Variants in CHST11 observed in about 807,000 individuals in gnomAD.
CHST11 encodes the protein C4S-1.
In CHST11, 9 loss-of-function variants were observed where a neutral mutation model predicts 30.4. The observed-to-expected ratio is 0.30, with a 90% CI of 0.18 to 0.52. The LOEUF (loss-of-function observed/expected upper bound fraction) is 0.52, where lower values mean the gene tolerates loss of function less well. CHST11 is among the 20% of genes least tolerant of loss of function. CHST11 has a pLI of 0.97. For missense variants in CHST11, 348 were observed against 460.6 expected (o/e 0.76, Z 2.24); for synonymous variants, 152 against 187.8 (o/e 0.81, Z 1.56).
intron 2 of CHST11, among the ~76,000 whole-genome samples, chr12:104,657,300 T>TA (rs1228646090): frequency 6.6e-5 from 10 of 152,274 alleles, no homozygotes; most frequent in African/African-American, 1.9e-4. Flanking sequence ...AATGACCACT[T>TA]ACGCACATTT....
At chr12:104,726,243 G>A (rs1286974930) in intron 2 of CHST11, among the ~76,000 whole-genome samples, 1 of 152,120 alleles carries the variant, frequency 6.6e-6, no homozygotes. Context: ...AAGTTCAATG[G>A]TAATTTTTGT....
intron 1 of CHST11, among the ~76,000 whole-genome samples, chr12:104,544,156 A>T (rs1010252443): frequency 5.0e-5 from 2 of 40,400 alleles, no homozygotes; most frequent in Non-Finnish European, 1.2e-4. Context: ...GAAAGAAAGA[A>T]AGAAAGAAAG....
intron 2 of CHST11, among the ~76,000 whole-genome samples, chr12:104,742,788 G>A (rs951544020): frequency 1.3e-5 from 2 of 152,190 alleles, no homozygotes; most frequent in African/African-American, 4.8e-5. Context: ...CCCCTCCAGC[G>A]TGATTTGATT....
intron 2 of CHST11, among the ~76,000 whole-genome samples, chr12:104,735,504 T>C (rs1410046707): frequency 1.3e-5 from 2 of 152,132 alleles, no homozygotes. Flanking sequence ...GATCCAAGCC[T>C]GGTGGTGGGG....
chr12:104,655,620 T>C (rs1011950980), intron 2 of CHST11, among the ~76,000 whole-genome samples: 4 of 152,200 alleles, frequency 2.6e-5, no homozygotes, highest in African/African-American at 4.8e-5. Flanking sequence ...CAGAAAGATA[T>C]ACCAGAGAGT....
At chr12:104,645,063 T>C (rs1023696177) in intron 2 of CHST11, among the ~76,000 whole-genome samples, 41 of 152,280 alleles carry the variant, frequency 2.7e-4, no homozygotes, top group Admixed American at 2.7e-3. Flanking sequence ...TTCTCCTGCC[T>C]CAGCCTCCCA....
chr12:104,549,397 TG>T (rs1281980449), intron 1 of CHST11, among the ~76,000 whole-genome samples: 2 of 152,302 alleles, frequency 1.3e-5, no homozygotes, highest in East Asian at 3.9e-4. Context: ...GGACCATTGT[TG>T]GGAGAAAGAG....
chr12:104,733,777 G>C (rs2040275400), intron 2 of CHST11, among the ~76,000 whole-genome samples: 1 of 152,232 alleles, frequency 6.6e-6, no homozygotes, highest in Non-Finnish European at 1.5e-5. Context: ...CAGGGAGATT[G>C]GTTGGCTGCA....
Position 104,757,129 on chromosome 12 carries a change from A to G in CHST11, c.385A>G (p.Thr129Ala). The G allele has an allele frequency of 6.2e-7, 1 of 1,614,116 alleles. No individual in the cohort carries two copies. Among genetic ancestry groups the G allele is most frequent in the Non-Finnish European group, 8.5e-7 (1 of 1,180,024 alleles). Residue 129 changes from threonine (T) to alanine (A), a missense_variant, in exon 3 of 3, where the codon ACC (threonine) becomes GCC (alanine). This residue lies in a region of CHST11 where 3 missense variants were observed against 17.6 expected (regional missense o/e 0.17). Coordinates refer to ENST00000303694, the MANE Select transcript of CHST11 (RefSeq NM_018413.6). This position sits in a 1 kb window ranked among gnomAD's most constrained non-coding sequence, Gnocchi z 6.5. ...CTGCTACGTGCCCAAGGTGGCCTGC[A>G]CCAACTGGAAGCGGCTCATGATGGT... ...IYCYVPKVACTNWKRLMMVLT... is the reference protein window; with the variant it reads ...IYCYVPKVACANWKRLMMVLT...
intron 1 of CHST11, among the ~76,000 whole-genome samples, chr12:104,519,720 A>G (rs537432257): frequency 1.3e-4 from 20 of 152,328 alleles, no homozygotes; most frequent in Non-Finnish European, 2.1e-4. Context: ...AGCATTTTGC[A>G]TGATAGCCTG....
At chr12:104,473,247 T>A (rs78655609) in intron 1 of CHST11, among the ~76,000 whole-genome samples, 16,591 of 152,160 alleles carry the variant, frequency 0.11, 1,278 homozygotes, top group Admixed American at 0.23. Context: ...AAGTGCAAAG[T>A]AAGAAAGAGC....
intron 2 of CHST11, among the ~76,000 whole-genome samples, chr12:104,714,785 C>T (rs2136122735): frequency 6.6e-6 from 1 of 152,298 alleles, no homozygotes; most frequent in Non-Finnish European, 1.5e-5. Flanking sequence ...CTGGGTCCAC[C>T]ACCCAGCTCT....
rs1302190894 is a variant in CHST11 at position 104,761,646 on chromosome 12, C to A, written c.*3843C>A. The A allele has an allele frequency of 6.6e-6, 1 of 152,366 alleles. No homozygotes were observed. Among genetic ancestry groups the A allele is most frequent in the Non-Finnish European group, 1.5e-5 (1 of 68,128 alleles). The allele number at this position is 152,366 out of a possible 1,614,324, so 9.4% of individuals were successfully genotyped here. A position where few individuals can be genotyped will look rare whatever the true frequency, so the allele number is the denominator to read the frequency against. On this transcript the variant is annotated 3_prime_UTR_variant, in exon 3 of 3. Transcript: ENST00000303694. ...CTTTTTCCATCACAACCAGTTAGAACCCTACAGGCAACAAGGCCTTCTAGA... is the reference window on the plus strand; with the variant it reads ...CTTTTTCCATCACAACCAGTTAGAAACCTACAGGCAACAAGGCCTTCTAGA...
intron 2 of CHST11, among the ~76,000 whole-genome samples, chr12:104,622,803 T>C (rs937522248): frequency 3.9e-5 from 6 of 152,232 alleles, no homozygotes; most frequent in Non-Finnish European, 8.8e-5. Context: ...AATAAACGGC[T>C]GAGACCCATG....
In CHST11 at chr12:104,512,568, T is replaced by C. The variant is rs575283669; in HGVS notation, c.118+55039T>C. 2.0e-5 allele frequency among the ~76,000 whole-genome samples: 3 copies of C among 152,344 alleles called. No individual in the cohort carries two copies. In the East Asian group the frequency reaches 5.8e-4, roughly 29 times the overall value. On this transcript the variant is annotated intron_variant, in intron 1 of 2. Coordinates refer to ENST00000303694, the MANE Select transcript of CHST11 (RefSeq NM_018413.6). ...CTAGCATAATTATTCACAGTGCCCCTTTTATTTTAAGTGTCCTGGTTTGGG... is the reference window on the plus strand; with the variant it reads ...CTAGCATAATTATTCACAGTGCCCCCTTTATTTTAAGTGTCCTGGTTTGGG...
intron 2 of CHST11, among the ~76,000 whole-genome samples, chr12:104,661,688 T>C (rs2039600169): frequency 1.3e-5 from 2 of 152,166 alleles, no homozygotes; most frequent in Non-Finnish European, 2.9e-5. Flanking sequence ...TCTGTCTCAC[T>C]CTCCTCTGCC....
chr12:104,677,228 GC>G (rs2039751015), intron 2 of CHST11, among the ~76,000 whole-genome samples: 1 of 152,172 alleles, frequency 6.6e-6, no homozygotes, highest in Non-Finnish European at 1.5e-5. Context: ...AACAAACAGA[GC>G]CCAGTGTCTT....
intron 1 of CHST11, among the ~76,000 whole-genome samples, chr12:104,590,256 C>A (rs894073167): frequency 5.9e-5 from 9 of 152,110 alleles, no homozygotes; most frequent in South Asian, 2.1e-4. Flanking sequence ...GATACAAATC[C>A]CCTGGGGTGC....
In CHST11 at chr12:104,461,360, C is replaced by G. The variant is rs1241265605; in HGVS notation, c.118+3831C>G. 2.0e-5 allele frequency among the ~76,000 whole-genome samples: 3 copies of G among 152,310 alleles called. No homozygotes were observed. The East Asian group carries it at 5.8e-4, about 29-fold the overall frequency. On this transcript the variant is annotated intron_variant, in intron 1 of 2. Transcript: ENST00000303694. The stretch of plus-strand genomic sequence containing the variant: ...TTCCTAAAGCTAGGGAGAATGGAAC[C>G]ATATACCTGTGATTTCTACACAGGT...
Sources: allele counts gnomAD v4.1 joint callset (sites outside exome capture counted in the v4.1 genomes callset), GRCh38; gene constraint gnomAD v4.1.1; regional missense constraint gnomAD v4.1.1; non-coding constraint Gnocchi (gnomAD v3.1); transcripts MANE v1.5; gene names NCBI Gene and HGNC (gene_info 2026-07-23, HGNC 2026-07-21).